Variants in HMGXB4 observed in about 807,000 individuals in gnomAD.
HMGXB4 encodes HMG-box containing 4, also known as HMG domain-containing protein 4.
In HMGXB4, 27 loss-of-function variants were observed where a neutral mutation model predicts 63.9. The ratio of observed to expected loss-of-function variants is 0.42; its 90% CI spans 0.31 to 0.58. The LOEUF is 0.58. HMGXB4 is among the 20% of genes least tolerant of loss of function. HMGXB4 has a pLI of 0.13. For missense variants in HMGXB4, 624 were observed against 700.7 expected (o/e 0.89, Z 1.24); for synonymous variants, 264 against 265.3 (o/e 0.99, Z 0.05).
the HMGXB4 span, among the ~76,000 whole-genome samples, chr22:35,243,769 C>T: frequency 1.3e-5 from 2 of 152,176 alleles, no homozygotes; most frequent in Non-Finnish European, 2.9e-5. Flanking sequence ...GTCTCAAAGT[C>T]CTGGCCTCAA....
At chr22:35,278,890 A>C (rs1924066586) in intron 5 of HMGXB4, among the ~76,000 whole-genome samples, 1 of 151,670 alleles carries the variant, frequency 6.6e-6, no homozygotes, top group Non-Finnish European at 1.5e-5. Context: ...AAAAAAAAAA[A>C]AAAAAAATTA....
At chr22:35,257,075 C>T (rs1320461109), upstream of HMGXB4, among the ~76,000 whole-genome samples, 2 of 152,204 alleles carry the variant, frequency 1.3e-5, no homozygotes, top group Non-Finnish European at 2.9e-5. Flanking sequence ...TGCTATTAAT[C>T]TGCATAGATC....
At chr22:35,272,804 C>T (rs559581091) in intron 5 of HMGXB4, among the ~76,000 whole-genome samples, 3 of 152,200 alleles carry the variant, frequency 2.0e-5, no homozygotes, top group East Asian at 3.9e-4. Flanking sequence ...CGTGGTGGCG[C>T]GTGCCTGTAA....
intron 9 of HMGXB4, among the ~76,000 whole-genome samples, chr22:35,289,842 T>G (rs1324272009): frequency 1.3e-5 from 2 of 152,238 alleles, no homozygotes; most frequent in Non-Finnish European, 2.9e-5. Context: ...GTAGTTCCGC[T>G]TTCCACCAAG....
In HMGXB4 at chr22:35,287,430, A is replaced by G. The variant is rs766662356; in HGVS notation, c.1446A>G (p.Ser482=). Reference sequence around the variant, plus strand: ...CTGTGAAAAGGAAAGCATCCAGCTCAGAAGGTTCCATGAAAGTCAAAGGTA... The same window carrying G: ...CTGTGAAAAGGAAAGCATCCAGCTCGGAAGGTTCCATGAAAGTCAAAGGTA... ...ATTVKRKASS[S]EGSMKVKASS... is the part of the protein sequence containing the mutation. Residue 482 remains serine (S), a synonymous_variant, in exon 8 of 11, where the codon TCA becomes TCG. Coordinates refer to ENST00000216106, the MANE Select transcript of HMGXB4 (RefSeq NM_001003681.3). 1 of 1,613,090 alleles carries G rather than the reference A, an allele frequency of 6.2e-7. No homozygotes were observed. Among genetic ancestry groups the G allele is most frequent in the South Asian group, 1.1e-5 (1 of 90,950 alleles).
intron 3 of HMGXB4, 75 bp from the exon 4 acceptor site, chr22:35,263,721 C>T: frequency 1.0e-6 from 1 of 982,672 alleles, no homozygotes; most frequent in Non-Finnish European, 1.6e-6. Flanking sequence ...AATCAAAAAT[C>T]ATCAAAGACA....
At chr22:35,252,216 A>G in the HMGXB4 span, among the ~76,000 whole-genome samples, 1 of 152,230 alleles carries the variant, frequency 6.6e-6, no homozygotes, top group Non-Finnish European at 1.5e-5. Context: ...CTCTGTCTCA[A>G]AAACAAACAA....
At chr22:35,277,673 T>G (rs896108967) in intron 5 of HMGXB4, among the ~76,000 whole-genome samples, 2 of 152,220 alleles carry the variant, frequency 1.3e-5, no homozygotes, top group African/African-American at 4.8e-5. Context: ...CATGTGAAAT[T>G]TGTTCAGGAA....
At chr22:35,264,141 C>T in intron 4 of HMGXB4, 1 of 1,246,510 alleles carries the variant, frequency 8.0e-7, no homozygotes, top group South Asian at 1.3e-5. Context: ...ATCTTGTGCC[C>T]ATTGTTATCT....
At chr22:35,282,331 CAT>C (rs1924308359) in intron 5 of HMGXB4, among the ~76,000 whole-genome samples, 2 of 152,156 alleles carry the variant, frequency 1.3e-5, no homozygotes, top group Admixed American at 6.5e-5. Flanking sequence ...CGCCCACCAC[CAT>C]GCCCGGCTAA....
At chr22:35,275,087 G>A (rs192263077) in intron 5 of HMGXB4, among the ~76,000 whole-genome samples, 30 of 149,328 alleles carry the variant, frequency 2.0e-4, no homozygotes, top group East Asian at 9.8e-4. Flanking sequence ...TGGCTCGTAC[G>A]TAGTATTAAC....
At chr22:35,263,604 A>C (rs545364804) in intron 3 of HMGXB4, among the ~76,000 whole-genome samples, 192 bp from the exon 4 acceptor site, 38 of 152,298 alleles carry the variant, frequency 2.5e-4, no homozygotes, top group African/African-American at 8.2e-4. Context: ...ACTTCTTACC[A>C]TATTTCCTAA....
Position 35,263,197 on chromosome 22 carries a change from GT to G in HMGXB4, c.152del (p.Val51AlafsTer9). 1 of 1,613,366 alleles carries G rather than the reference GT, an allele frequency of 6.2e-7. No homozygotes were observed. Among genetic ancestry groups the G allele is most frequent in the Non-Finnish European group, 8.5e-7 (1 of 1,179,736 alleles). On this transcript the variant is annotated frameshift_variant, in exon 3 of 11. Transcript: ENST00000216106. LOFTEE classifies it high-confidence loss of function. ...GGAAGAGGAAGAAATTGCTGCTCAG[GT>G]CAGGAATTCTTCCAAGAAGAAGTTG... ...LREEEEIAAQ[V>X]RNSSKKKLKD...
the HMGXB4 span, among the ~76,000 whole-genome samples, chr22:35,245,450 A>G: frequency 1.9e-3 from 288 of 150,074 alleles, 2 homozygotes; most frequent in African/African-American, 6.9e-3. Flanking sequence ...TTTTTAAATC[A>G]CGTTCATAAT....
chr22:35,260,662 C>A (rs1922791254), intron 1 of HMGXB4, among the ~76,000 whole-genome samples: 1 of 152,240 alleles, frequency 6.6e-6, no homozygotes, highest in South Asian at 2.1e-4. Context: ...TTTCATTACT[C>A]TAGCTTCTCT....
intron 5 of HMGXB4, among the ~76,000 whole-genome samples, chr22:35,280,024 G>C (rs753052181): frequency 3.3e-5 from 5 of 152,280 alleles, no homozygotes; most frequent in Admixed American, 2.6e-4. Flanking sequence ...AAAATAGCTT[G>C]CTGGGCTTGT....
At chr22:35,267,806 A>C (rs1415897570) in intron 5 of HMGXB4, among the ~76,000 whole-genome samples, 2 of 152,226 alleles carry the variant, frequency 1.3e-5, no homozygotes, top group Admixed American at 6.5e-5. Context: ...TTTTTGCTTT[A>C]TCATATACCT....
chr22:35,282,558 G>A (rs1924333623), intron 5 of HMGXB4, among the ~76,000 whole-genome samples: 1 of 152,192 alleles, frequency 6.6e-6, no homozygotes, highest in Admixed American at 6.5e-5. Flanking sequence ...AGTTTTGGAG[G>A]AAAGCCATAC....
upstream of HMGXB4, among the ~76,000 whole-genome samples, chr22:35,256,647 G>A (rs1049701084): frequency 6.6e-6 from 1 of 151,984 alleles, no homozygotes; most frequent in African/African-American, 2.4e-5. Flanking sequence ...TTACAGGCAC[G>A]CGCCACCACG....
Sources: gnomAD v4.1 joint callset for allele counts (sites outside exome capture counted in the v4.1 genomes callset) on GRCh38, gnomAD v4.1.1 for gene constraint, MANE v1.5 for transcripts, NCBI Gene and HGNC (gene_info 2026-07-23, HGNC 2026-07-21) for gene names.